FGF13: variants seen among roughly 807,000 people sequenced by gnomAD.
The protein encoded by FGF13 is fibroblast growth factor homologous factor 2.
In FGF13, 2 loss-of-function variants were observed where a neutral mutation model predicts 19.5. The observed-to-expected ratio is 0.10, with a 90% CI of 0.04 to 0.32. The LOEUF (loss-of-function observed/expected upper bound fraction) is 0.32. Ranked by LOEUF, FGF13 falls within the 10% of genes least tolerant of loss-of-function variation. FGF13 has a pLI of 1.00. For synonymous variants in FGF13, 72 were observed against 76.9 expected, an observed-to-expected ratio of 0.94 and a Z score of 0.33; for missense variants, 113 against 192.7, an observed-to-expected ratio of 0.59 and a Z score of 2.45.
At chrX:139,070,726 C>A (rs187176240) in intron 1 of FGF13, among the ~76,000 whole-genome samples, 24 of 112,178 alleles carry the variant, frequency 2.1e-4, no homozygotes, top group Non-Finnish European at 3.4e-4. Context: ...GTGAAACCAA[C>A]ACAAATGCCC....
intron 1 of FGF13, among the ~76,000 whole-genome samples, chrX:139,012,188 T>C (rs1490279010): frequency 8.9e-6 from 1 of 111,751 alleles, no homozygotes; most frequent in African/African-American, 3.2e-5. Context: ...CTGAAATAAA[T>C]TATAGATGAC....
At chrX:139,121,275 A>C (rs901136052) in intron 1 of FGF13, among the ~76,000 whole-genome samples, 6 of 112,191 alleles carry the variant, frequency 5.3e-5, no homozygotes, top group African/African-American at 1.6e-4. Context: ...CCATTTGTAA[A>C]ATAAGCAAAT....
At chrX:139,110,412 C>T (rs957533336) in intron 1 of FGF13, among the ~76,000 whole-genome samples, 3 of 109,956 alleles carry the variant, frequency 2.7e-5, no homozygotes, top group Non-Finnish European at 1.9e-5. Context: ...ATCACGGGGG[C>T]GGTTTCCCCT....
intron 3 of FGF13, among the ~76,000 whole-genome samples, chrX:138,772,600 T>C (rs1277560182): frequency 2.7e-5 from 3 of 111,322 alleles, no homozygotes; most frequent in African/African-American, 6.5e-5. Context: ...CTTTGCTGAG[T>C]TTTGTTAGTG....
At chrX:138,859,247 A>G (rs2091275749) in intron 2 of FGF13, among the ~76,000 whole-genome samples, 1 of 112,135 alleles carries the variant, frequency 8.9e-6, no homozygotes, top group South Asian at 3.7e-4. Context: ...TAGTTATGAT[A>G]ATATAGACAC....
At chrX:138,989,746 T>G (rs1378252052) in intron 1 of FGF13, among the ~76,000 whole-genome samples, 1 of 69,419 alleles carries the variant, frequency 1.4e-5, no homozygotes, top group Non-Finnish European at 2.8e-5. Flanking sequence ...TAATTTACTA[T>G]TAACTGAAAA....
At chrX:139,017,339 G>GTGTATATATATA (rs370162151) in intron 1 of FGF13, among the ~76,000 whole-genome samples, 1 of 100,228 alleles carries the variant, frequency 1.0e-5, no homozygotes, top group African/African-American at 3.7e-5. Context: ...ATACATGTAT[G>GTGTATATATATA]TATATATATA....
intron 1 of FGF13, among the ~76,000 whole-genome samples, chrX:138,949,723 T>G (rs2091800464): frequency 9.0e-6 from 1 of 111,529 alleles, no homozygotes; most frequent in East Asian, 2.8e-4. Flanking sequence ...ACAGCATGAA[T>G]AAAGAGGCAG....
At chrX:139,002,080 C>A (rs746020816) in intron 1 of FGF13, among the ~76,000 whole-genome samples, 1 of 110,659 alleles carries the variant, frequency 9.0e-6, no homozygotes, top group Non-Finnish European at 1.9e-5. Flanking sequence ...CTCAGCAAAG[C>A]AACACAAGAA....
intron 1 of FGF13, among the ~76,000 whole-genome samples, chrX:138,888,699 GAA>G (rs373787930): frequency 3.1e-5 from 3 of 96,816 alleles, no homozygotes; most frequent in African/African-American, 1.1e-4. Context: ...CCAAGAAAAA[GAA>G]AAAAAAAAAA....
chrX:139,133,896 C>T (rs920923948), intron 1 of FGF13, among the ~76,000 whole-genome samples: 1 of 111,871 alleles, frequency 8.9e-6, no homozygotes, highest in Non-Finnish European at 1.9e-5. Context: ...GTTTCCTCGG[C>T]CTTTTATTCT....
intron 3 of FGF13, among the ~76,000 whole-genome samples, chrX:138,769,325 A>C (rs927356998): frequency 1.8e-5 from 2 of 111,580 alleles, no homozygotes; most frequent in Non-Finnish European, 3.8e-5. Context: ...GGCATCAGGC[A>C]GACCCAGGTC....
chrX:138,644,273 AT>A (rs956683325), intron 3 of FGF13, among the ~76,000 whole-genome samples: 70 of 107,752 alleles, frequency 6.5e-4, no homozygotes, highest in African/African-American at 1.6e-3. Flanking sequence ...GTACCTCAGG[AT>A]TTTTTTTTTC....
intron 3 of FGF13, among the ~76,000 whole-genome samples, chrX:138,809,985 G>T (rs2090907249): frequency 8.9e-6 from 1 of 111,740 alleles, no homozygotes; most frequent in Admixed American, 9.5e-5. Context: ...TCATGGATAG[G>T]AAGAATCAAT....
At chrX:139,188,243 G>A (rs1259061445) in intron 1 of FGF13, among the ~76,000 whole-genome samples, 1 of 112,141 alleles carries the variant, frequency 8.9e-6, no homozygotes, top group Non-Finnish European at 1.9e-5. Context: ...TGAATGAATG[G>A]AGTCCAGATT....
chrX:138,742,905 G>T (rs752607840), upstream of FGF13, among the ~76,000 whole-genome samples: 1 of 111,974 alleles, frequency 8.9e-6, no homozygotes, highest in Non-Finnish European at 1.9e-5. Flanking sequence ...CTGTGCCACC[G>T]CAGCCTCTTG....
chrX:138,769,389 C>T (rs2090528197), intron 3 of FGF13, among the ~76,000 whole-genome samples: 2 of 111,772 alleles, frequency 1.8e-5, no homozygotes, highest in Non-Finnish European at 3.8e-5. Flanking sequence ...AGTTACTTAA[C>T]CTCTCTGTGC....
At chrX:138,992,817 A>G (rs1603105608) in intron 1 of FGF13, among the ~76,000 whole-genome samples, 2 of 111,743 alleles carry the variant, frequency 1.8e-5, no homozygotes, top group South Asian at 7.5e-4. Flanking sequence ...ACAGGTATTC[A>G]TGGTATTTAC....
At chrX:139,029,985 G>C (rs1269545997) in intron 1 of FGF13, among the ~76,000 whole-genome samples, 2 of 111,534 alleles carry the variant, frequency 1.8e-5, no homozygotes, top group Non-Finnish European at 3.8e-5. Flanking sequence ...TGCAATTATA[G>C]TGCAAATCCA....
Sources: gnomAD v4.1 joint callset for allele counts (sites outside exome capture counted in the v4.1 genomes callset) on GRCh38, gnomAD v4.1.1 for gene constraint, MANE v1.5 for transcripts, NCBI Gene and HGNC (gene_info 2026-07-23, HGNC 2026-07-21) for gene names.